Variants in ULK4 observed in about 807,000 individuals in gnomAD.
The protein encoded by ULK4 is unc-51 like kinase 4, also known as inactive serine/threonine-protein kinase ULK4.
In ULK4, 133 loss-of-function variants were observed where a neutral mutation model predicts 160.6. The observed-to-expected ratio is 0.83, with a 90% confidence interval of 0.72 to 0.96. The LOEUF is 0.96. Among genes scored for constraint, ULK4 ranks in the 40% least tolerant of loss-of-function variants. The pLI is 0.00. For missense variants in ULK4, 1,580 were observed against 1,499.5 expected, an observed-to-expected ratio of 1.05 and a Z score of -0.89; for synonymous variants, 534 against 539.8, an observed-to-expected ratio of 0.99 and a Z score of 0.15.
intron 31 of ULK4, among the ~76,000 whole-genome samples, chr3:41,572,510 C>T (rs897241402): frequency 1.3e-5 from 2 of 151,894 alleles, no homozygotes; most frequent in Non-Finnish European, 2.9e-5. Context: ...CCTGTAATCC[C>T]AGCACTTTGG....
intron 17 of ULK4, among the ~76,000 whole-genome samples, chr3:41,855,816 G>C (rs2042322918): frequency 6.6e-6 from 1 of 152,086 alleles, no homozygotes; most frequent in Non-Finnish European, 1.5e-5. Context: ...AAAATTAAAT[G>C]TGATGCTTTG....
intron 1 of ULK4, among the ~76,000 whole-genome samples, chr3:41,956,232 A>G (rs1700479522): frequency 6.6e-6 from 1 of 152,160 alleles, no homozygotes; most frequent in Non-Finnish European, 1.5e-5. Flanking sequence ...AAATGGAATC[A>G]ATGAAATTGG....
chr3:41,852,742 G>A (rs1007801722), intron 17 of ULK4, among the ~76,000 whole-genome samples: 6 of 152,196 alleles, frequency 3.9e-5, no homozygotes, highest in African/African-American at 1.2e-4. Context: ...TGGTGACCTC[G>A]AAATGACCTT....
intron 35 of ULK4, among the ~76,000 whole-genome samples, chr3:41,345,174 T>C (rs142560774): frequency 1.4e-3 from 210 of 152,296 alleles, no homozygotes; most frequent in Non-Finnish European, 2.5e-3. Context: ...ACACTGTTGG[T>C]GGGAGTGTAA....
chr3:41,269,501 G>T (rs1010748206), intron 35 of ULK4, among the ~76,000 whole-genome samples: 6 of 152,068 alleles, frequency 3.9e-5, no homozygotes, highest in African/African-American at 2.4e-5. Flanking sequence ...ATATTAGGAG[G>T]CTACAGTCCA....
At chr3:41,860,888 G>GTTT (rs1281231077) in intron 17 of ULK4, among the ~76,000 whole-genome samples, 1 of 151,724 alleles carries the variant, frequency 6.6e-6, no homozygotes, top group Non-Finnish European at 1.5e-5. Context: ...TCCACTATGT[G>GTTT]TTTTTTTGTT....
At chr3:41,957,271 T>C (rs1195675000) in intron 1 of ULK4, among the ~76,000 whole-genome samples, 23 of 151,094 alleles carry the variant, frequency 1.5e-4, no homozygotes, top group Admixed American at 1.3e-3. Flanking sequence ...CTGACCAACA[T>C]GGCAAAATCC....
chr3:41,934,791 C>A (rs970311174), intron 4 of ULK4, among the ~76,000 whole-genome samples: 44 of 152,056 alleles, frequency 2.9e-4, no homozygotes, highest in Admixed American at 3.3e-4. Flanking sequence ...GAATCATACA[C>A]ATATAGCCAA....
In ULK4 at chr3:41,919,741, A is replaced by C; in HGVS notation, c.619T>G (p.Cys207Gly). 1 of 1,614,124 alleles carries C rather than the reference A, an allele frequency of 6.2e-7. No homozygotes were observed. The highest frequency in any genetic ancestry group is 8.5e-7 in the Non-Finnish European group (1 of 1,179,966). The change falls in exon 6 of 37, where the codon TGT becomes GGT. Residue 207 changes from cysteine to glycine, a missense_variant. Coordinates refer to ENST00000301831, the MANE Select transcript of ULK4 (RefSeq NM_017886.4). Reference protein sequence around the residue: ...SISSDLWSLGCLLYEMFSGKP... With the variant: ...SISSDLWSLGGLLYEMFSGKP... ...CCTGAAAACATTTCATAAAGCAGACAGCCCAAAGACCAGAGGTCACTGGAG... is the reference window on the plus strand; with the variant it reads ...CCTGAAAACATTTCATAAAGCAGACCGCCCAAAGACCAGAGGTCACTGGAG...
At chr3:41,786,013 GC>G (rs2039987382) in intron 21 of ULK4, among the ~76,000 whole-genome samples, 1 of 152,094 alleles carries the variant, frequency 6.6e-6, no homozygotes, top group Non-Finnish European at 1.5e-5. Context: ...AGGCCAGAAT[GC>G]ACCTTCTCAG....
intron 31 of ULK4, among the ~76,000 whole-genome samples, chr3:41,592,128 G>A (rs1399671127): frequency 2.0e-5 from 3 of 152,184 alleles, no homozygotes; most frequent in Non-Finnish European, 4.4e-5. Context: ...CAAATACTAT[G>A]AGTGCCCAAA....
At chr3:41,358,457 A>G (rs2081068667) in intron 35 of ULK4, among the ~76,000 whole-genome samples, 1 of 152,214 alleles carries the variant, frequency 6.6e-6, no homozygotes, top group South Asian at 2.1e-4. Flanking sequence ...AAGGATGCAG[A>G]GGCAGAGAAA....
intron 27 of ULK4, among the ~76,000 whole-genome samples, chr3:41,685,996 T>C (rs530433012): frequency 6.6e-6 from 1 of 152,308 alleles, no homozygotes; most frequent in African/African-American, 2.4e-5. Flanking sequence ...TTAGCAAGAA[T>C]ATATATATGG....
chr3:41,636,715 C>CATTT (rs2033965585), intron 30 of ULK4, among the ~76,000 whole-genome samples: 1 of 151,956 alleles, frequency 6.6e-6, no homozygotes, highest in African/African-American at 2.4e-5. Flanking sequence ...ATTAACTCGT[C>CATTT]ATTTAGCATT....
At chr3:41,330,692 C>A (rs1032036423) in intron 35 of ULK4, among the ~76,000 whole-genome samples, 5 of 152,156 alleles carry the variant, frequency 3.3e-5, no homozygotes, top group African/African-American at 1.2e-4. Flanking sequence ...TTTGAAAGAC[C>A]TTTTATTATG....
chr3:41,680,211 C>T (rs2035876273), intron 29 of ULK4, among the ~76,000 whole-genome samples: 1 of 152,156 alleles, frequency 6.6e-6, no homozygotes, highest in African/African-American at 2.4e-5. Context: ...TCATATATAA[C>T]AAATGTAACT....
rs1387998638 is a variant in ULK4 at position 41,357,998 on chromosome 3, A to C, written c.3678+40081T>G. Among the ~76,000 whole-genome samples the C allele has an allele frequency of 2.0e-5, 3 of 152,220 alleles. No individual in the cohort carries two copies. The East Asian group carries it at 5.8e-4, about 29-fold the overall frequency. ...CTACAGATGAAGAAATTGGAGGCACAGACAGGTTAAGTGACCTCTCTAAGG... is the reference window on the plus strand; with the variant it reads ...CTACAGATGAAGAAATTGGAGGCACCGACAGGTTAAGTGACCTCTCTAAGG... On this transcript the variant is annotated intron_variant, in intron 35 of 36. Transcript: ENST00000301831.
chr3:41,818,706 AG>A (rs1559577040), intron 19 of ULK4, among the ~76,000 whole-genome samples: 1 of 152,252 alleles, frequency 6.6e-6, no homozygotes, highest in African/African-American at 2.4e-5. Flanking sequence ...TGAACTCAAA[AG>A]AAAGATGTTT....
chr3:41,944,590 C>T (rs1700058358), intron 2 of ULK4, among the ~76,000 whole-genome samples: 1 of 152,054 alleles, frequency 6.6e-6, no homozygotes. Context: ...TCTCCCACTC[C>T]CTCTTTTTAT....
Sources: allele counts gnomAD v4.1 joint callset (sites outside exome capture counted in the v4.1 genomes callset), GRCh38; gene constraint gnomAD v4.1.1; transcripts MANE v1.5; gene names NCBI Gene and HGNC (gene_info 2026-07-23, HGNC 2026-07-21).